Variants in OTOP2 observed in about 807,000 individuals in gnomAD.
OTOP2 encodes otopetrin 2.
In OTOP2, 41 loss-of-function variants were observed where a neutral mutation model predicts 47.4. The observed-to-expected ratio is 0.87, with a 90% CI of 0.67 to 1.12. The LOEUF is 1.12. Among genes scored for constraint, OTOP2 ranks in the 50% most tolerant of loss-of-function variants. The pLI is 0.00. For synonymous variants in OTOP2, 328 were observed against 319.6 expected, an observed-to-expected ratio of 1.03 and a Z score of -0.28; for missense variants, 721 against 752.2, an observed-to-expected ratio of 0.96 and a Z score of 0.49.
Position 74,924,779 on chromosome 17 carries a change from C to T in OTOP2, c.147C>T (p.Gly49=), listed in dbSNP as rs367611435. 5.3e-5 allele frequency: 86 copies of T among 1,611,068 alleles called. No homozygotes were observed. Among genetic ancestry groups the T allele is most frequent in the Non-Finnish European group, 6.1e-5 (72 of 1,179,066 alleles). ...VLLLACTLIS[G]GAFNKVAVYD... is the part of the protein sequence containing the mutation. ...TCCTCGCCTGCACGCTCATCAGCGGCGGAGCCTTCAACAAGGTGGCCGTGT... is the reference window on the plus strand; with the variant it reads ...TCCTCGCCTGCACGCTCATCAGCGGTGGAGCCTTCAACAAGGTGGCCGTGT... Residue 49 remains glycine, a synonymous_variant, in exon 2 of 7, where the codon GGC becomes GGT. Transcript: ENST00000331427. The surrounding 1 kb of genome is among the most constrained non-coding windows in gnomAD (Gnocchi z 7.7).
At chr17:74,927,077 C>A in intron 3 of OTOP2, 146 bp from the exon 4 acceptor site, 1 of 800,680 alleles carries the variant, frequency 1.2e-6, no homozygotes, top group Non-Finnish European at 2.2e-6. Flanking sequence ...ACCCAGCCTC[C>A]ACCTCATTTT....
At position 74,933,330 on chromosome 17, in the gene OTOP2, G is replaced by T. The variant is rs1166465782; in HGVS notation, c.1519-45G>T. ...CAAAACCCACAGAAATGACCCACAG[G>T]CATCCATCCAGGCCAGCTCCTGAAA... On this transcript the variant is annotated intron_variant, in intron 6 of 6. Transcript: ENST00000331427. The surrounding 1 kb of genome is among the most constrained non-coding windows in gnomAD (Gnocchi z 4.7). 2 of 1,558,488 alleles carry T rather than the reference G, an allele frequency of 1.3e-6. No homozygotes were observed. The highest frequency in any genetic ancestry group is 2.3e-5 in the East Asian group (1 of 43,978).
chr17:74,924,387 G>T lies in OTOP2; in HGVS notation c.-34+54G>T. 2.0e-6 allele frequency: 1 copy of T among 501,998 alleles called. No homozygotes were observed. The highest frequency in any genetic ancestry group is 3.5e-6 in the Non-Finnish European group (1 of 288,180). 31.1% of individuals were successfully genotyped at this position (501,998 alleles called of 1,614,324 possible). A position where few individuals can be genotyped will look rare whatever the true frequency, so the allele number is the denominator to read the frequency against. On this transcript the variant is annotated intron_variant, in intron 1 of 6. Transcript: ENST00000331427. This position sits in a 1 kb window ranked among gnomAD's most constrained non-coding sequence, Gnocchi z 7.7. ...GACTTGGGGAGTGGGGACCTTGGAGGGGTCCAACCGGGTGCTGCCGCTTCT... is the reference window on the plus strand; with the variant it reads ...GACTTGGGGAGTGGGGACCTTGGAGTGGTCCAACCGGGTGCTGCCGCTTCT...
In OTOP2 at chr17:74,930,880, C is replaced by T; in HGVS notation, c.1245C>T (p.Thr415=). 1.2e-6 allele frequency: 2 copies of T among 1,614,102 alleles called. No individual in the cohort carries two copies. Among genetic ancestry groups the T allele is most frequent in the African/African-American group, 2.7e-5 (2 of 75,008 alleles). ...CACTGCTCATGATCGCCCAGCACAC[C>T]TTCCAGAACATGTTTATCATCGAGA... ...THALLMIAQH[T]FQNMFIIESL... Residue 415 remains threonine, a synonymous_variant, in exon 6 of 7, where the codon ACC becomes ACT. Coordinates refer to ENST00000331427, the MANE Select transcript of OTOP2 (RefSeq NM_178160.3). The surrounding 1 kb of genome is among the most constrained non-coding windows in gnomAD (Gnocchi z 4.0).
At chr17:74,925,319 C>G (rs1486713733) in intron 2 of OTOP2, among the ~76,000 whole-genome samples, 1 of 152,060 alleles carries the variant, frequency 6.6e-6, no homozygotes, top group Non-Finnish European at 1.5e-5. Flanking sequence ...GCAGGTCCAT[C>G]CATCCACCCA....
In OTOP2 at chr17:74,930,586, C is replaced by T. The variant is rs150575911; in HGVS notation, c.951C>T (p.Asp317=). Residue 317 remains aspartate, a synonymous_variant, in exon 6 of 7, where the codon GAC becomes GAT. Coordinates refer to ENST00000331427, the MANE Select transcript of OTOP2 (RefSeq NM_178160.3). The surrounding 1 kb of genome is among the most constrained non-coding windows in gnomAD (Gnocchi z 4.0). The stretch of plus-strand genomic sequence containing the variant: ...TCTACGAGGTTCAAGTGAGCGGGGA[C>T]GGGAGCCGCACCAGGCAGGCCCTGG... ...FIIYEVQVSG[D]GSRTRQALVI... is the part of the protein sequence containing the mutation. 138 of 1,613,892 alleles carry T rather than the reference C, an allele frequency of 8.6e-5. No homozygotes were observed. The African/African-American group carries it at 1.2e-3, about 14-fold the overall frequency.
Position 74,930,260 on chromosome 17 carries a change from G to T in OTOP2, c.644-19G>T. ...GAAGGCAGGAGGGCTGTCCAGCCCTGTGTCTCTCTCCACAACAGAGCATGC... is the reference window on the plus strand; with the variant it reads ...GAAGGCAGGAGGGCTGTCCAGCCCTTTGTCTCTCTCCACAACAGAGCATGC... On this transcript the variant is annotated intron_variant, in intron 5 of 6. Coordinates refer to ENST00000331427, the MANE Select transcript of OTOP2 (RefSeq NM_178160.3). The surrounding 1 kb of genome is among the most constrained non-coding windows in gnomAD (Gnocchi z 4.0). 6.3e-7 allele frequency: 1 copy of T among 1,599,224 alleles called. No homozygotes were observed. The highest frequency in any genetic ancestry group is 8.6e-7 in the Non-Finnish European group (1 of 1,168,842).
chr17:74,927,157 C>T (rs1181353258), intron 3 of OTOP2, 66 bp from the exon 4 acceptor site: 2 of 1,407,466 alleles, frequency 1.4e-6, no homozygotes, highest in African/African-American at 2.8e-5. Context: ...ATGGCATGGA[C>T]TTGGGTGCGC....
Position 74,924,515 on chromosome 17 carries a change from T to G in OTOP2, c.-33-85T>G. 8.0e-7 allele frequency: 1 copy of G among 1,252,488 alleles called. No individual in the cohort carries two copies. Among genetic ancestry groups the G allele is most frequent in the Non-Finnish European group, 1.1e-6 (1 of 938,130 alleles). The allele number at this position is 1,252,488 out of a possible 1,614,324, so 77.6% of individuals were successfully genotyped here. Reference sequence around the variant, plus strand: ...AGCCCCAACCCTGCGGGTCAGGAACTCCCTAGTCCCCAAGTCTAGGGATGA... The same window carrying G: ...AGCCCCAACCCTGCGGGTCAGGAACGCCCTAGTCCCCAAGTCTAGGGATGA... On this transcript the variant is annotated intron_variant, in intron 1 of 6. Transcript: ENST00000331427. The surrounding 1 kb of genome is among the most constrained non-coding windows in gnomAD (Gnocchi z 7.7).
In OTOP2 at chr17:74,931,121, A is replaced by G; in HGVS notation, c.1486A>G (p.Ile496Val). Reference protein sequence around the residue: ...SQWRRQCLKDISLFLLLCNVI... With the variant: ...SQWRRQCLKDVSLFLLLCNVI... ...GTGGAGACGCCAGTGCCTAAAAGAC[A>G]TTTCTCTGTTTCTCCTACTCTGCAA... Residue 496 changes from isoleucine (I) to valine (V), a missense_variant, in exon 6 of 7, where the codon ATT becomes GTT. Coordinates refer to ENST00000331427, the MANE Select transcript of OTOP2 (RefSeq NM_178160.3). The G allele has an allele frequency of 1.9e-6, 3 of 1,607,846 alleles. No individual in the cohort carries two copies. The highest frequency in any genetic ancestry group is 1.7e-6 in the Non-Finnish European group (2 of 1,176,252).
chr17:74,931,099 G>A lies in OTOP2; in HGVS notation c.1464G>A (p.Trp488Ter), dbSNP rs751674865. The A allele has an allele frequency of 5.0e-6, 8 of 1,613,460 alleles. No homozygotes were observed. Among genetic ancestry groups the A allele is most frequent in the Non-Finnish European group, 5.9e-6 (7 of 1,179,622 alleles). The change falls in exon 6 of 7, where the codon TGG (tryptophan) becomes TGA (stop). Residue 488 changes from tryptophan (W) to a stop codon, truncating the protein, a stop_gained. Coordinates refer to ENST00000331427, the MANE Select transcript of OTOP2 (RefSeq NM_178160.3). LOFTEE classifies it high-confidence loss of function. The part of the protein sequence containing the change: ...VAIVSTPRSQ[W>*]RRQCLKDISL... ...TCGTCTCAACCCCCAGAAGCCAGTG[G>A]AGACGCCAGTGCCTAAAAGACATTT...
chr17:74,929,724 C>T (rs1019453397), intron 5 of OTOP2, among the ~76,000 whole-genome samples: 2 of 152,162 alleles, frequency 1.3e-5, no homozygotes, highest in African/African-American at 4.8e-5. Context: ...CTGCACCTGG[C>T]CTGGACTGTT....
At chr17:74,925,299 G>C (rs933964070) in intron 2 of OTOP2, among the ~76,000 whole-genome samples, 2 of 151,982 alleles carry the variant, frequency 1.3e-5, no homozygotes, top group Non-Finnish European at 2.9e-5. Context: ...AAAGAGAGGG[G>C]GGCTTGGTAG....
chr17:74,927,949 C>A, intron 5 of OTOP2, 151 bp downstream of exon 5: 1 of 1,082,752 alleles, frequency 9.2e-7, no homozygotes, highest in Non-Finnish European at 1.3e-6. Flanking sequence ...TCTACCTCTG[C>A]AGTATAGGTG....
At chr17:74,932,933 G>T (rs1470975674) in intron 6 of OTOP2, among the ~76,000 whole-genome samples, 1 of 152,114 alleles carries the variant, frequency 6.6e-6, no homozygotes, top group Non-Finnish European at 1.5e-5. Context: ...AGGAGGGCTG[G>T]GGTGGGGTGG....
At chr17:74,925,950 C>T (rs543009704) in intron 3 of OTOP2, among the ~76,000 whole-genome samples, 1 of 152,220 alleles carries the variant, frequency 6.6e-6, no homozygotes. Flanking sequence ...GTAGTTAACA[C>T]CTAGGAGGTG....
chr17:74,929,383 G>C (rs565689498), intron 5 of OTOP2, among the ~76,000 whole-genome samples: 1 of 152,234 alleles, frequency 6.6e-6, no homozygotes, highest in South Asian at 2.1e-4. Context: ...GTGGGGTGAA[G>C]TGAGCAGTCC....
chr17:74,924,701 G>T lies in OTOP2; in HGVS notation c.69G>T (p.Val23=), dbSNP rs748893243. Residue 23 remains valine (V), a synonymous_variant, in exon 2 of 7, where the codon GTG becomes GTT. Transcript: ENST00000331427. This position sits in a 1 kb window ranked among gnomAD's most constrained non-coding sequence, Gnocchi z 7.7. Reference sequence around the variant, plus strand: ...CGCCGCGTGCGGGCCCCAGGGAGGTGTGGAAGAAGGGTGGCCGCCTGCTGT... The same window carrying T: ...CGCCGCGTGCGGGCCCCAGGGAGGTTTGGAAGAAGGGTGGCCGCCTGCTGT... ...PPAPRAGPRE[V]WKKGGRLLSV... is the part of the protein sequence containing the mutation. The T allele has an allele frequency of 1.9e-6, 3 of 1,604,048 alleles. No homozygotes were observed. The highest frequency in any genetic ancestry group is 2.2e-5 in the South Asian group (2 of 89,754).
At chr17:74,927,180 C>T (rs1361061659) in intron 3 of OTOP2, 43 bp from the exon 4 acceptor site, 2 of 1,548,754 alleles carry the variant, frequency 1.3e-6, no homozygotes, top group South Asian at 2.2e-5. Flanking sequence ...GAGTTTTGTC[C>T]ATCTATGGAG....
Sources: allele counts gnomAD v4.1 joint callset (sites outside exome capture counted in the v4.1 genomes callset), GRCh38; gene constraint gnomAD v4.1.1; non-coding constraint Gnocchi (gnomAD v3.1); transcripts MANE v1.5; gene names NCBI Gene and HGNC (gene_info 2026-07-23, HGNC 2026-07-21).